The following DAB1 variants were observed in gnomAD, a reference collection of about 807,000 sequenced individuals.
DAB1 encodes disabled homolog 1.
A neutral mutation model predicts 64.6 loss-of-function variants in DAB1; 15 were observed. The observed-to-expected ratio is 0.23, with a 90% CI of 0.16 to 0.36. The LOEUF is 0.36. DAB1 is among the 10% of genes least tolerant of loss of function. The pLI is 1.00. For synonymous variants in DAB1, 235 were observed against 251.9 expected (o/e 0.93, Z 0.64); for missense variants, 596 against 706.7 (o/e 0.84, Z 1.78).
intron 5 of DAB1, among the ~76,000 whole-genome samples, chr1:58,028,047 T>C (rs1341985371): frequency 6.6e-6 from 1 of 152,236 alleles, no homozygotes; most frequent in Non-Finnish European, 1.5e-5. Flanking sequence ...TGAGCTTCTG[T>C]TTCCTTATCT....
intron 4 of DAB1, among the ~76,000 whole-genome samples, chr1:58,261,141 G>A (rs140322829): frequency 6.9e-4 from 105 of 152,246 alleles, no homozygotes; most frequent in Non-Finnish European, 9.3e-4. Context: ...ATATCCCCGA[G>A]TTAAAAAATT....
At chr1:57,938,268 T>C (rs1645056200) in intron 5 of DAB1, among the ~76,000 whole-genome samples, 2 of 152,206 alleles carry the variant, frequency 1.3e-5, no homozygotes. Flanking sequence ...TTTAAAAGAA[T>C]GTGAAATGCA....
intron 5 of DAB1, among the ~76,000 whole-genome samples, chr1:57,966,442 C>T (rs532594354): frequency 6.6e-6 from 1 of 152,082 alleles, no homozygotes; most frequent in East Asian, 1.9e-4. Flanking sequence ...AACTGAGGCA[C>T]CCAGCCAACA....
At chr1:57,827,639 T>C (rs1652409596) in intron 1 of DAB1, among the ~76,000 whole-genome samples, 1 of 152,198 alleles carries the variant, frequency 6.6e-6, no homozygotes, top group African/African-American at 2.4e-5. Flanking sequence ...CCTATAATGA[T>C]AATGGGGAGG....
chr1:58,262,844 G>C (rs1175673707), intron 4 of DAB1, among the ~76,000 whole-genome samples: 3 of 152,172 alleles, frequency 2.0e-5, no homozygotes, highest in African/African-American at 7.2e-5. Context: ...GAATTAGTGT[G>C]TGCTTTACCA....
intron 4 of DAB1, among the ~76,000 whole-genome samples, chr1:58,230,859 A>G (rs1479733812): frequency 6.6e-6 from 1 of 152,240 alleles, no homozygotes; most frequent in African/African-American, 2.4e-5. Flanking sequence ...TCTGCAAGGT[A>G]GGAATTACAG....
At chr1:57,392,461 G>T (rs1682462143) in intron 1 of DAB1, among the ~76,000 whole-genome samples, 1 of 152,132 alleles carries the variant, frequency 6.6e-6, no homozygotes, top group South Asian at 2.1e-4. Flanking sequence ...AAAACATATT[G>T]GTTGAGCAGT....
intron 7 of DAB1, among the ~76,000 whole-genome samples, chr1:57,633,309 CAG>C (rs1646013461): frequency 6.6e-6 from 1 of 152,238 alleles, no homozygotes; most frequent in African/African-American, 2.4e-5. Context: ...CTTGTGAAAA[CAG>C]AGGGCTGGCC....
intron 4 of DAB1, among the ~76,000 whole-genome samples, chr1:57,131,096 G>T (rs1334183152): frequency 6.6e-6 from 1 of 152,162 alleles, no homozygotes; most frequent in Admixed American, 6.5e-5. Flanking sequence ...CTACAAAACT[G>T]CCTACACACA....
At chr1:57,944,403 G>A (rs942863516) in intron 5 of DAB1, among the ~76,000 whole-genome samples, 1 of 152,154 alleles carries the variant, frequency 6.6e-6, no homozygotes, top group African/African-American at 2.4e-5. Flanking sequence ...CCACCCCCAC[G>A]TTACTGCACT....
intron 1 of DAB1, among the ~76,000 whole-genome samples, chr1:57,362,972 G>A (rs1418275077): frequency 4.0e-5 from 6 of 151,728 alleles, no homozygotes; most frequent in Non-Finnish European, 8.8e-5. Flanking sequence ...TGAAATATTT[G>A]GACTAAATAT....
chr1:57,875,259 G>A (rs1427247141), intron 1 of DAB1: 1 of 152,194 alleles, frequency 6.6e-6, no homozygotes, highest in South Asian at 2.1e-4. Context: ...TGACTACCTG[G>A]AGCCCTACCT....
intron 4 of DAB1, among the ~76,000 whole-genome samples, chr1:58,259,731 G>A (rs1033116235): frequency 5.9e-5 from 9 of 152,126 alleles, no homozygotes; most frequent in African/African-American, 2.2e-4. Flanking sequence ...CCATGATTTT[G>A]ACAGACTCTT....
At chr1:57,262,960 C>A (rs897259293) in intron 2 of DAB1, among the ~76,000 whole-genome samples, 1 of 152,076 alleles carries the variant, frequency 6.6e-6, no homozygotes, top group African/African-American at 2.4e-5. Context: ...ACATGGCAAA[C>A]ATTAAGGGTG....
intron 4 of DAB1, among the ~76,000 whole-genome samples, chr1:58,253,495 A>G (rs1273018180): frequency 6.6e-6 from 1 of 152,260 alleles, no homozygotes; most frequent in African/African-American, 2.4e-5. Context: ...GTGCACGGTC[A>G]GTTATTGTGA....
intron 7 of DAB1, among the ~76,000 whole-genome samples, chr1:57,521,266 G>A (rs1644522837): frequency 6.6e-6 from 1 of 152,160 alleles, no homozygotes; most frequent in Admixed American, 6.5e-5. Flanking sequence ...AGTCAGTAGT[G>A]ACTGGGGAAC....
intron 3 of DAB1, chr1:58,506,003 A>T: frequency 1.3e-6 from 1 of 787,638 alleles, no homozygotes; most frequent in South Asian, 1.6e-5. Flanking sequence ...AAGTGACAGC[A>T]TTAAAAATAA....
intron 3 of DAB1, among the ~76,000 whole-genome samples, chr1:58,457,289 G>T (rs1424600126): frequency 6.6e-6 from 1 of 152,102 alleles, no homozygotes; most frequent in African/African-American, 2.4e-5. Flanking sequence ...CCAAGAAGTA[G>T]CGAGGAAAAC....
At chr1:57,481,678 A>T (rs188841462) in intron 7 of DAB1, among the ~76,000 whole-genome samples, 34 of 152,158 alleles carry the variant, frequency 2.2e-4, no homozygotes, top group Admixed American at 2.1e-3. Context: ...TTAGCCAGGC[A>T]TGGTGGCAGG....
Sources: gnomAD v4.1 joint callset for allele counts (sites outside exome capture counted in the v4.1 genomes callset) on GRCh38, gnomAD v4.1.1 for gene constraint, MANE v1.5 for transcripts, NCBI Gene and HGNC (gene_info 2026-07-23, HGNC 2026-07-21) for gene names.